ADGRV1: variants seen among roughly 807,000 people sequenced by gnomAD.
ADGRV1 encodes adhesion G protein-coupled receptor V1, also known as G-protein coupled receptor 98.
In ADGRV1, 359 loss-of-function variants were observed where a neutral mutation model predicts 596.2. The observed-to-expected ratio is 0.60, with a 90% CI of 0.55 to 0.66. ADGRV1 has a LOEUF of 0.66. Among genes scored for constraint, ADGRV1 ranks in the 30% least tolerant of loss-of-function variants. The pLI is 0.00. For missense variants in ADGRV1, 7,274 were observed against 7,575.6 expected (o/e 0.96, Z 1.48); for synonymous variants, 2,681 against 2,679.2 (o/e 1.00, Z -0.02).
At chr5:90,676,234 T>TA (rs1744202294) in intron 25 of ADGRV1, 25 bp downstream of exon 25, 1 of 1,589,062 alleles carries the variant, frequency 6.3e-7, no homozygotes, top group Admixed American at 1.8e-5. Flanking sequence ...TCAAAAATGT[T>TA]AAATATTTGC....
At chr5:91,112,160 A>T (rs1792429735) in intron 87 of ADGRV1, among the ~76,000 whole-genome samples, 1 of 152,090 alleles carries the variant, frequency 6.6e-6, no homozygotes, top group African/African-American at 2.4e-5. Flanking sequence ...TTTCATCTGG[A>T]TTCTCTAAAT....
At chr5:91,113,868 G>A (rs1451130606) in intron 87 of ADGRV1, among the ~76,000 whole-genome samples, 3 of 151,508 alleles carry the variant, frequency 2.0e-5, no homozygotes, top group African/African-American at 4.9e-5. Context: ...GCAGTGAGCC[G>A]AGATCACGTC....
intron 87 of ADGRV1, among the ~76,000 whole-genome samples, chr5:91,127,439 G>A (rs949972071): frequency 1.1e-4 from 17 of 151,098 alleles, no homozygotes; most frequent in African/African-American, 3.9e-4. Flanking sequence ...TCCAGAGGCT[G>A]AGGCAGGAAG....
intron 89 of ADGRV1, among the ~76,000 whole-genome samples, chr5:91,154,353 T>C (rs1168638012): frequency 6.6e-6 from 1 of 152,244 alleles, no homozygotes; most frequent in Non-Finnish European, 1.5e-5. Context: ...ATGAAGTATA[T>C]TGCTTTGCTA....
At chr5:90,666,282 T>C (rs1367607262) in intron 21 of ADGRV1, among the ~76,000 whole-genome samples, 1 of 152,124 alleles carries the variant, frequency 6.6e-6, no homozygotes, top group Non-Finnish European at 1.5e-5. Flanking sequence ...GACTTGCTTT[T>C]TGAATGTGGG....
chr5:90,769,084 T>C (rs918185439), intron 59 of ADGRV1, among the ~76,000 whole-genome samples: 7 of 151,924 alleles, frequency 4.6e-5, no homozygotes, highest in Admixed American at 4.6e-4. Flanking sequence ...TGAGAAGGGG[T>C]TGTCTTCAGA....
intron 7 of ADGRV1, chr5:90,628,055 C>A (rs932235696): frequency 4.9e-6 from 1 of 205,626 alleles, no homozygotes; most frequent in Non-Finnish European, 9.5e-6. Context: ...TATAGTAGTT[C>A]CCTAGGACAC....
intron 1 of ADGRV1, among the ~76,000 whole-genome samples, chr5:90,579,102 T>C (rs1757624759): frequency 6.6e-6 from 1 of 152,216 alleles, no homozygotes; most frequent in East Asian, 1.9e-4. Flanking sequence ...TGTCTCTGTC[T>C]CCTTCAGTTC....
chr5:90,723,259 G>C (rs1280928303), intron 45 of ADGRV1, among the ~76,000 whole-genome samples: 1 of 152,104 alleles, frequency 6.6e-6, no homozygotes, highest in Non-Finnish European at 1.5e-5. Context: ...TAGTGGTGTG[G>C]TGTCGGAGGT....
rs555037066 is a variant in ADGRV1, at chr5:90,625,273, C to T, written c.672+30C>T. Reference sequence around the variant, plus strand: ...GCTAATGTTACATACCCAAATGGGACAAGGATTCTGTGTTGCAGGACACAG... The same window carrying T: ...GCTAATGTTACATACCCAAATGGGATAAGGATTCTGTGTTGCAGGACACAG... On this transcript the variant is annotated intron_variant, in intron 6 of 89. Coordinates refer to ENST00000405460, the MANE Select transcript of ADGRV1 (RefSeq NM_032119.4). 8.0e-6 allele frequency: 11 copies of T among 1,382,100 alleles called. No individual in the cohort carries two copies. In the Admixed American group the frequency reaches 1.4e-4, roughly 17 times the overall value. The allele number at this position is 1,382,100 out of a possible 1,614,324, so 85.6% of individuals were successfully genotyped here. A position where few individuals can be genotyped will look rare whatever the true frequency, so the allele number is the denominator to read the frequency against.
At chr5:91,150,436 C>T (rs1292980470) in intron 88 of ADGRV1, among the ~76,000 whole-genome samples, 1 of 152,164 alleles carries the variant, frequency 6.6e-6, no homozygotes, top group African/African-American at 2.4e-5. Flanking sequence ...ACTATAGCGT[C>T]ACACCCATTA....
intron 84 of ADGRV1, among the ~76,000 whole-genome samples, chr5:90,971,564 A>G: frequency 6.6e-6 from 1 of 152,254 alleles, no homozygotes. Context: ...CTTAAAGAAA[A>G]GAATTTTCAA....
rs1462463588 is a variant in ADGRV1, at chr5:90,653,639, T to C, written c.4065T>C (p.Phe1355=). 8.7e-6 allele frequency: 14 copies of C among 1,613,522 alleles called. No homozygotes were observed. The highest frequency in any genetic ancestry group is 1.1e-5 in the Non-Finnish European group (13 of 1,179,722). Residue 1355 remains phenylalanine (F), a synonymous_variant, in exon 20 of 90, where the codon TTT becomes TTC. Coordinates refer to ENST00000405460, the MANE Select transcript of ADGRV1 (RefSeq NM_032119.4). ...CCAGGAATAATACAATTGCCAACTT[T>C]ACATTCTCAGCTTGGGTAATGCCCA... The part of the protein sequence containing the change: ...HPSRNNTIAN[F]TFSAWVMPNA...
chr5:90,644,879 G>C lies in ADGRV1; in HGVS notation c.2898+10G>C. 6.5e-7 allele frequency: 1 copy of C among 1,536,870 alleles called. No individual in the cohort carries two copies. On this transcript the variant is annotated intron_variant, in intron 15 of 89. Transcript: ENST00000405460. ...CTCCCTTCCAGATGAGGTAAATATT[G>C]CATATAACTTTCTGCCTTACTTGTT...
intron 69 of ADGRV1, 30 bp from the exon 70 acceptor site, chr5:90,790,843 A>T: frequency 6.9e-7 from 1 of 1,448,540 alleles, no homozygotes. Flanking sequence ...GAATTATATA[A>T]CTTTGTTGAG....
intron 87 of ADGRV1, among the ~76,000 whole-genome samples, chr5:91,128,111 C>T (rs938851424): frequency 1.1e-4 from 17 of 151,886 alleles, no homozygotes; most frequent in East Asian, 3.9e-4. Context: ...CTCTCTGCCT[C>T]CTGCCTAGCT....
intron 5 of ADGRV1, among the ~76,000 whole-genome samples, chr5:90,624,759 T>G (rs922869983): frequency 6.6e-6 from 1 of 152,228 alleles, no homozygotes; most frequent in South Asian, 2.1e-4. Flanking sequence ...TGATTTTATT[T>G]ATTCTTCACA....
intron 85 of ADGRV1, among the ~76,000 whole-genome samples, chr5:90,994,156 A>G (rs1223262875): frequency 2.0e-5 from 3 of 150,562 alleles, no homozygotes; most frequent in African/African-American, 7.3e-5. Context: ...TCTGCCTCCC[A>G]GGTTTGAGCA....
intron 50 of ADGRV1, among the ~76,000 whole-genome samples, chr5:90,733,575 C>T (rs920347807): frequency 6.6e-6 from 1 of 152,134 alleles, no homozygotes; most frequent in African/African-American, 2.4e-5. Context: ...AAGCATTTAA[C>T]ATTTAGGCAG....
Sources: gnomAD v4.1 joint callset for allele counts (sites outside exome capture counted in the v4.1 genomes callset) on GRCh38, gnomAD v4.1.1 for gene constraint, MANE v1.5 for transcripts, NCBI Gene and HGNC (gene_info 2026-07-23, HGNC 2026-07-21) for gene names.